Variants in CENPO observed in about 807,000 individuals in gnomAD.
CENPO encodes the protein centromeric protein O.
A neutral mutation model predicts 36.1 loss-of-function variants in CENPO; 30 were observed. The observed-to-expected ratio is 0.83, with a 90% CI of 0.62 to 1.13. The LOEUF (loss-of-function observed/expected upper bound fraction) is 1.13. Among genes scored for constraint, CENPO ranks in the 50% most tolerant of loss-of-function variants. The pLI is 0.00. For synonymous variants in CENPO, 171 were observed against 142.3 expected (o/e 1.20, Z -1.44); for missense variants, 349 against 357.8 (o/e 0.98, Z 0.20).
chr2:24,814,250 C>T (rs1666834202), intron 3 of CENPO, 126 bp from the exon 4 acceptor site: 2 of 689,048 alleles, frequency 2.9e-6, no homozygotes, highest in African/African-American at 3.6e-5. Flanking sequence ...AACTGACCGG[C>T]CACTGTAGCA....
intron 5 of CENPO, 105 bp from the exon 6 acceptor site, chr2:24,816,541 G>A: frequency 1.4e-6 from 1 of 739,202 alleles, no homozygotes; most frequent in Non-Finnish European, 2.2e-6. Context: ...TCTCTGAAAT[G>A]TAATCGATGG....
chr2:24,820,980 TGTATGCTATTGGAGG>T lies in CENPO; in HGVS notation c.*1665_*1679del. The T allele has an allele frequency of 7.6e-7, 1 of 1,323,866 alleles. No individual in the cohort carries two copies. The highest frequency in any genetic ancestry group is 2.4e-5 in the East Asian group (1 of 41,758). The allele number at this position is 1,323,866 out of a possible 1,614,324, so 82.0% of individuals were successfully genotyped here. A position where few individuals can be genotyped will look rare whatever the true frequency, so the allele number is the denominator to read the frequency against. ...CATCATTGTCCTCATTCAACTTGGC[TGTATGCTATTGGAGG>T]GTGGAAATCACATCTCCTGTTTATC... On this transcript the variant is annotated 3_prime_UTR_variant, in exon 8 of 8. Coordinates refer to ENST00000380834, the MANE Select transcript of CENPO (RefSeq NM_001322101.2).
chr2:24,814,961 AT>A (rs1461537751), intron 4 of CENPO, among the ~76,000 whole-genome samples: 3 of 152,166 alleles, frequency 2.0e-5, no homozygotes, highest in African/African-American at 7.2e-5. Flanking sequence ...TATAAATTAA[AT>A]TTTTGGCCTT....
At position 24,815,678 on chromosome 2, in the gene CENPO, C is replaced by T. The variant is rs773751203; in HGVS notation, c.516C>T (p.Asn172=). The T allele has an allele frequency of 6.2e-7, 1 of 1,613,996 alleles. No homozygotes were observed. The highest frequency in any genetic ancestry group is 2.2e-5 in the East Asian group (1 of 44,886). The change falls in exon 5 of 8, where the codon AAC becomes AAT. Residue 172 remains asparagine, a synonymous_variant. Coordinates refer to ENST00000380834, the MANE Select transcript of CENPO (RefSeq NM_001322101.2). ...TAGCTGCAAAATATTTACAGACCAA[C>T]ATCCAGCACTTCCTGTTCAGTCTCT... ...EEIAAKYLQT[N]IQHFLFSLCE...
chr2:24,816,519 C>A, intron 5 of CENPO, 127 bp from the exon 6 acceptor site: 1 of 672,436 alleles, frequency 1.5e-6, no homozygotes, highest in Non-Finnish European at 2.5e-6. Context: ...CTTTTTCTGT[C>A]CCTCATTTAT....
chr2:24,820,130 G>C lies in CENPO; in HGVS notation c.*812G>C. On this transcript the variant is annotated 3_prime_UTR_variant, in exon 8 of 8. Transcript: ENST00000380834. ...CTTCTACCACCTGGAGAGGGAGGGG[G>C]AGCAAGAACGTGGCGTTACGGGGGG... The C allele has an allele frequency of 6.7e-7, 1 of 1,488,292 alleles. No homozygotes were observed. The highest frequency in any genetic ancestry group is 2.4e-5 in the East Asian group (1 of 41,076). The allele number at this position is 1,488,292 out of a possible 1,614,324, so 92.2% of individuals were successfully genotyped here. A position where few individuals can be genotyped will look rare whatever the true frequency, so the allele number is the denominator to read the frequency against.
chr2:24,821,440 T>C lies in CENPO; in HGVS notation c.*2122T>C. 6.4e-7 allele frequency: 1 copy of C among 1,574,650 alleles called. No individual in the cohort carries two copies. Among genetic ancestry groups the C allele is most frequent in the Non-Finnish European group, 8.6e-7 (1 of 1,157,138 alleles). On this transcript the variant is annotated 3_prime_UTR_variant, in exon 8 of 8. Coordinates refer to ENST00000380834, the MANE Select transcript of CENPO (RefSeq NM_001322101.2). ...ATTGCCTCAGTTGTCCTGAGCCTCATGTCTCTCCTGGTGGTGGGCCAGGCC... is the reference window on the plus strand; with the variant it reads ...ATTGCCTCAGTTGTCCTGAGCCTCACGTCTCTCCTGGTGGTGGGCCAGGCC...
At chr2:24,805,020 C>T (rs1323439423) in intron 3 of CENPO, among the ~76,000 whole-genome samples, 11 of 152,092 alleles carry the variant, frequency 7.2e-5, no homozygotes, top group Non-Finnish European at 1.6e-4. Flanking sequence ...AGGCTTTGTT[C>T]GTTTCTTTTT....
At chr2:24,811,703 C>T (rs541836128) in intron 3 of CENPO, among the ~76,000 whole-genome samples, 2 of 152,072 alleles carry the variant, frequency 1.3e-5, no homozygotes, top group African/African-American at 4.8e-5. Context: ...CCTCGTGATC[C>T]ACCTGCCTCG....
At chr2:24,817,635 G>C in intron 6 of CENPO, 35 bp from the exon 7 acceptor site, 1 of 1,613,776 alleles carries the variant, frequency 6.2e-7, no homozygotes, top group Non-Finnish European at 8.5e-7. Flanking sequence ...TCCCCCAGCT[G>C]CACTGAATGA....
chr2:24,820,683 T>G lies in CENPO; in HGVS notation c.*1365T>G. 1 of 1,612,200 alleles carries G rather than the reference T, an allele frequency of 6.2e-7. No individual in the cohort carries two copies. The highest frequency in any genetic ancestry group is 2.2e-5 in the East Asian group (1 of 44,844). On this transcript the variant is annotated 3_prime_UTR_variant, in exon 8 of 8. Coordinates refer to ENST00000380834, the MANE Select transcript of CENPO (RefSeq NM_001322101.2). ...AAGCACTGTTCCGGTTTTGTTCTCA[T>G]GCCGAGTCTGAGCACGTGCCAGCTG... is the stretch of plus-strand genomic sequence containing the variant.
In CENPO at chr2:24,817,466, C is replaced by CA. The variant is rs57556645; in HGVS notation, c.767-194dup. 1.2e-4 allele frequency among the ~76,000 whole-genome samples: 13 copies of CA among 110,082 alleles called. 1 individual carries two copies. The highest frequency in any genetic ancestry group is 2.9e-4 in the South Asian group (1 of 3,484). 72.2% of individuals were successfully genotyped at this position (110,082 alleles called of 152,430 possible). A position where few individuals can be genotyped will look rare whatever the true frequency, so the allele number is the denominator to read the frequency against. On this transcript the variant is annotated intron_variant, in intron 6 of 7. Transcript: ENST00000380834. The stretch of plus-strand genomic sequence containing the variant: ...AGTAAGGGGCAGCCTTAGTCCAGAC[C>CA]AAAAAAAAAAGCTGTATGGGTCCAG...
intron 3 of CENPO, among the ~76,000 whole-genome samples, chr2:24,808,219 TA>T (rs1666509187): frequency 6.6e-6 from 1 of 152,230 alleles, no homozygotes; most frequent in Non-Finnish European, 1.5e-5. Flanking sequence ...TTATTTTTTT[TA>T]TTTTTTTTGT....
At chr2:24,803,573 C>A in intron 3 of CENPO, among the ~76,000 whole-genome samples, 1 of 152,146 alleles carries the variant, frequency 6.6e-6, no homozygotes, top group Non-Finnish European at 1.5e-5. Flanking sequence ...TTTCTGCCTT[C>A]ATTTCGTTAT....
Position 24,815,633 on chromosome 2 carries a change from C to G in CENPO, c.471C>G (p.Val157=). 6.2e-7 allele frequency: 1 copy of G among 1,614,192 alleles called. No individual in the cohort carries two copies. ...PLRIHHHSVP[V]FIPLEEIAAK... is the part of the protein sequence containing the mutation. ...GGATACATCACCATTCAGTCCCAGT[C>G]TTCATTCCCCTGGAAGAGATAGCTG... The change falls in exon 5 of 8, where the codon GTC becomes GTG. Residue 157 remains valine, a synonymous_variant. Transcript: ENST00000380834.
In CENPO at chr2:24,822,290, C is replaced by T; in HGVS notation, c.*2972C>T. 5.4e-6 allele frequency: 3 copies of T among 558,786 alleles called. No homozygotes were observed. The highest frequency in any genetic ancestry group is 9.1e-6 in the Non-Finnish European group (3 of 328,364). 34.6% of individuals were successfully genotyped at this position (558,786 alleles called of 1,614,324 possible). A position where few individuals can be genotyped will look rare whatever the true frequency, so the allele number is the denominator to read the frequency against. ...GGCCACAGAACACAACCATCTTAGG[C>T]CTGAGCTGTGAACAGCAGGGGGTTG... On this transcript the variant is annotated 3_prime_UTR_variant, in exon 8 of 8. Transcript: ENST00000380834.
In CENPO at chr2:24,822,166, A is replaced by C. The variant is rs958779338; in HGVS notation, c.*2848A>C. The C allele has an allele frequency of 1.9e-5, 4 of 215,482 alleles. No individual in the cohort carries two copies. Among genetic ancestry groups the C allele is most frequent in the Non-Finnish European group, 3.7e-5 (4 of 107,780 alleles). 13.3% of individuals were successfully genotyped at this position (215,482 alleles called of 1,614,324 possible). ...GTCTAAATTAGCTTAACAAAAGAAC[A>C]GGCTGCCGTCAGCCAGAGTTCTGAA... On this transcript the variant is annotated 3_prime_UTR_variant, in exon 8 of 8. Transcript: ENST00000380834.
intron 3 of CENPO, among the ~76,000 whole-genome samples, chr2:24,802,855 G>A (rs1191709515): frequency 2.0e-5 from 3 of 152,266 alleles, no homozygotes; most frequent in Admixed American, 6.5e-5. Context: ...AATGAGTTAG[G>A]GAGGATTCCC....
intron 2 of CENPO, among the ~76,000 whole-genome samples, chr2:24,798,975 CTTTTTTTTTTT>C (rs70947846): frequency 1.7e-5 from 2 of 114,526 alleles, no homozygotes; most frequent in East Asian, 2.4e-4. Context: ...CTGGGGCTTC[CTTTTTTTTTTT>C]TTTTTTTTTT....
Sources: gnomAD v4.1 joint callset for allele counts (sites outside exome capture counted in the v4.1 genomes callset) on GRCh38, gnomAD v4.1.1 for gene constraint, MANE v1.5 for transcripts, NCBI Gene and HGNC (gene_info 2026-07-23, HGNC 2026-07-21) for gene names.